Variants in KLHL25 observed in about 807,000 individuals in gnomAD.
KLHL25 encodes kelch-like protein 25.
KLHL25 carries 41 observed loss-of-function variants against 30.0 expected under a neutral mutation model. The observed-to-expected ratio is 1.37, with a 90% CI of 1.07 to 1.78. The LOEUF is 1.78. Among genes scored for constraint, KLHL25 ranks in the 40% most tolerant of loss-of-function variants. The pLI, the probability that KLHL25 is intolerant of heterozygous loss-of-function variation, is 0.00. For missense variants in KLHL25, 971 were observed against 824.5 expected (o/e 1.18, Z -2.18); for synonymous variants, 399 against 355.3 (o/e 1.12, Z -1.38).
In KLHL25 at chr15:85,760,522, G is replaced by C. The variant is rs746633835; in HGVS notation, c.*514C>G. On this transcript the variant is annotated 3_prime_UTR_variant, in exon 3 of 3. Coordinates refer to ENST00000337975, the MANE Select transcript of KLHL25 (RefSeq NM_022480.4). The stretch of plus-strand genomic sequence containing the variant: ...TTCTGCACCTTAAAAAATCTGTCTT[G>C]GTCACCTTTCTGGTCTCAACCCCTG... 3.9e-5 allele frequency: 6 copies of C among 152,160 alleles called. No homozygotes were observed. The highest frequency in any genetic ancestry group is 2.0e-4 in the Admixed American group (3 of 15,278). The allele number at this position is 152,160 out of a possible 1,614,324, so 9.4% of individuals were successfully genotyped here. A position where few individuals can be genotyped will look rare whatever the true frequency, so the allele number is the denominator to read the frequency against.
chr15:85,791,542 C>A (rs1424957444), intron 1 of KLHL25, among the ~76,000 whole-genome samples: 1 of 151,876 alleles, frequency 6.6e-6, no homozygotes, highest in African/African-American at 2.4e-5. Context: ...GTTTATCATC[C>A]AACAGGGTGC....
rs144004117 is a variant in KLHL25, at chr15:85,768,408, G to A, written c.1403C>T (p.Ser468Leu). 6.8e-5 allele frequency: 109 copies of A among 1,613,630 alleles called. No individual in the cohort carries two copies. In the African/African-American group the frequency reaches 1.1e-3, roughly 16 times the overall value. The change falls in exon 2 of 3, where the codon TCG becomes TTG. Residue 468 changes from serine (S) to leucine (L), a missense_variant. By Grantham distance (145) the Ser-to-Leu change is moderately radical. Transcript: ENST00000337975. ...GGCCTTGATCGTCCACCTGTTCTCC[G>A]AGGGGTCATAGCACTGGACCTTGGA... The part of the protein sequence containing the change: ...MVSKVQCYDP[S>L]ENRWTIKAEC...
At position 85,789,876 on chromosome 15, in the gene KLHL25, G is replaced by A. The variant is rs1053835230; in HGVS notation, c.-11+4890C>T. On this transcript the variant is annotated intron_variant, in intron 1 of 2. Coordinates refer to ENST00000337975, the MANE Select transcript of KLHL25 (RefSeq NM_022480.4). The surrounding 1 kb of genome is among the most constrained non-coding windows in gnomAD (Gnocchi z 4.1). The stretch of plus-strand genomic sequence containing the variant: ...GCCTCAAACTCTGAGGCAGTGGGCA[G>A]GGACAGGGAACTGCCAGAGGCTCAA... 8.5e-5 allele frequency among the ~76,000 whole-genome samples: 13 copies of A among 152,188 alleles called. No homozygotes were observed. Among genetic ancestry groups the A allele is most frequent in the Non-Finnish European group, 1.2e-4 (8 of 68,034 alleles).
chr15:85,764,634 C>A (rs1188086137), intron 2 of KLHL25, among the ~76,000 whole-genome samples: 4 of 152,142 alleles, frequency 2.6e-5, no homozygotes, highest in Non-Finnish European at 5.9e-5. Flanking sequence ...CCAGTGGGCA[C>A]AGGGCAAGTG....
At chr15:85,791,716 CAAAAAA>C (rs2089818437) in intron 1 of KLHL25, among the ~76,000 whole-genome samples, 1 of 151,952 alleles carries the variant, frequency 6.6e-6, no homozygotes, top group Admixed American at 6.5e-5. Flanking sequence ...GGAACAAAAA[CAAAAAA>C]GGGAAAGGGG....
chr15:85,776,161 A>G (rs1597277186), intron 1 of KLHL25, among the ~76,000 whole-genome samples: 1 of 117,898 alleles, frequency 8.5e-6, no homozygotes. Context: ...CGACAGAGCG[A>G]GACTCTGTCT....
chr15:85,787,297 T>G (rs1388277257), intron 1 of KLHL25, among the ~76,000 whole-genome samples: 1 of 152,000 alleles, frequency 6.6e-6, no homozygotes, highest in Non-Finnish European at 1.5e-5. Context: ...AAATACAAAA[T>G]TAGCTGGGCG....
intron 2 of KLHL25, chr15:85,764,302 T>C (rs148550967): frequency 1.6e-3 from 248 of 152,410 alleles, no homozygotes; most frequent in Admixed American, 3.5e-3. Context: ...CCCAGGGTCA[T>C]AGTGAGGGGA....
intron 2 of KLHL25, chr15:85,761,692 C>T (rs1296452934): frequency 1.3e-5 from 2 of 152,258 alleles, no homozygotes; most frequent in South Asian, 2.1e-4. Context: ...CATACCACTC[C>T]GAGGCCCTGA....
In KLHL25 at chr15:85,760,576, C is replaced by T. The variant is rs2089575218; in HGVS notation, c.*460G>A. On this transcript the variant is annotated 3_prime_UTR_variant, in exon 3 of 3. Coordinates refer to ENST00000337975, the MANE Select transcript of KLHL25 (RefSeq NM_022480.4). Reference sequence around the variant, plus strand: ...ACCTAGTTTCCCAGGCCCAGGACACCATCTATAGATGGCAGTAGAGCCCCA... The same window carrying T: ...ACCTAGTTTCCCAGGCCCAGGACACTATCTATAGATGGCAGTAGAGCCCCA... 1 of 152,234 alleles carries T rather than the reference C, an allele frequency of 6.6e-6. No individual in the cohort carries two copies. Among genetic ancestry groups the T allele is most frequent in the African/African-American group, 2.4e-5 (1 of 41,456 alleles). 9.4% of individuals were successfully genotyped at this position (152,234 alleles called of 1,614,324 possible).
At chr15:85,766,704 T>C (rs918307565) in intron 2 of KLHL25, among the ~76,000 whole-genome samples, 2 of 152,120 alleles carry the variant, frequency 1.3e-5, no homozygotes, top group Non-Finnish European at 1.5e-5. Flanking sequence ...CCTGTTTTCA[T>C]AGCGATTCCA....
In KLHL25 at chr15:85,789,449, C is replaced by T. The variant is rs981832407; in HGVS notation, c.-11+5317G>A. On this transcript the variant is annotated intron_variant, in intron 1 of 2. Transcript: ENST00000337975. The surrounding 1 kb of genome is among the most constrained non-coding windows in gnomAD (Gnocchi z 4.1). ...AGGCTGCAGTGCCATGGCGCGATCT[C>T]GGCTTACTGCAACTTCTGCCTCCGG... is the stretch of plus-strand genomic sequence containing the variant. Among the ~76,000 whole-genome samples the T allele has an allele frequency of 5.9e-5, 9 of 151,986 alleles. No individual in the cohort carries two copies. Among genetic ancestry groups the T allele is most frequent in the African/African-American group, 2.2e-4 (9 of 41,362 alleles).
intron 1 of KLHL25, among the ~76,000 whole-genome samples, chr15:85,787,970 G>T (rs1472307527): frequency 1.4e-5 from 2 of 146,522 alleles, no homozygotes; most frequent in Admixed American, 1.4e-4. Flanking sequence ...GCTGAGGCAG[G>T]AGAATTGCTT....
At chr15:85,772,755 C>A (rs1253308927) in intron 1 of KLHL25, among the ~76,000 whole-genome samples, 1 of 152,248 alleles carries the variant, frequency 6.6e-6, no homozygotes, top group East Asian at 1.9e-4. Flanking sequence ...GAGCAGTGAC[C>A]TCTCCAAGCC....
intron 2 of KLHL25, chr15:85,762,986 A>C (rs913125870): frequency 1.3e-5 from 2 of 150,238 alleles, no homozygotes; most frequent in Non-Finnish European, 3.0e-5. Context: ...AGAGAAGACA[A>C]GCTGTCGGCA....
chr15:85,767,860 C>T (rs1401547978), intron 2 of KLHL25, among the ~76,000 whole-genome samples, 157 bp downstream of exon 2: 1 of 152,212 alleles, frequency 6.6e-6, no homozygotes, highest in Non-Finnish European at 1.5e-5. Context: ...AAATAGAAGG[C>T]AGAGCCAGGA....
At chr15:85,790,831 T>A (rs1240068282) in intron 1 of KLHL25, among the ~76,000 whole-genome samples, 2 of 152,044 alleles carry the variant, frequency 1.3e-5, no homozygotes, top group African/African-American at 4.8e-5. Flanking sequence ...CCAGGAAGAT[T>A]TTTATGTATT....
chr15:85,765,088 T>G (rs1439719508), intron 2 of KLHL25, among the ~76,000 whole-genome samples: 1 of 152,140 alleles, frequency 6.6e-6, no homozygotes, highest in African/African-American at 2.4e-5. Flanking sequence ...GTCTGGAGGC[T>G]CAGACCAGAG....
chr15:85,767,131 C>T (rs1263733065), intron 2 of KLHL25, among the ~76,000 whole-genome samples: 1 of 152,022 alleles, frequency 6.6e-6, no homozygotes, highest in Non-Finnish European at 1.5e-5. Context: ...GCTGGGATTA[C>T]AGGTGTGCAC....
Sources: gnomAD v4.1 joint callset for allele counts (sites outside exome capture counted in the v4.1 genomes callset) on GRCh38, gnomAD v4.1.1 for gene constraint, Gnocchi (gnomAD v3.1) non-coding constraint, MANE v1.5 for transcripts, NCBI Gene and HGNC (gene_info 2026-07-23, HGNC 2026-07-21) for gene names.